Variants in ATP8A2 observed in about 807,000 individuals in gnomAD.
The protein encoded by ATP8A2 is phospholipid-transporting ATPase IB.
A neutral mutation model predicts 165.6 loss-of-function variants in ATP8A2; 100 were observed. The observed-to-expected ratio is 0.60, with a 90% CI of 0.51 to 0.71. ATP8A2 has a LOEUF of 0.71. ATP8A2 is among the 30% of genes least tolerant of loss of function. The pLI is 0.00. For synonymous variants in ATP8A2, 543 were observed against 548.8 expected (o/e 0.99, Z 0.15); for missense variants, 1,227 against 1,479.5 (o/e 0.83, Z 2.80).
intron 33 of ATP8A2, among the ~76,000 whole-genome samples, chr13:25,905,561 C>T (rs142418804): frequency 1.5e-3 from 233 of 152,298 alleles, no homozygotes; most frequent in African/African-American, 5.3e-3. Context: ...TCGCCAACAG[C>T]GGTTGGTGCG....
At chr13:25,581,753 C>T (rs1347208979) in intron 22 of ATP8A2, 66 bp from the exon 23 acceptor site, 1 of 1,456,446 alleles carries the variant, frequency 6.9e-7, no homozygotes, top group Non-Finnish European at 9.6e-7. Flanking sequence ...CTTTCTTTGT[C>T]AGAATTTGTT....
At chr13:25,975,466 C>G (rs569174572) in intron 35 of ATP8A2, among the ~76,000 whole-genome samples, 141 of 151,972 alleles carry the variant, frequency 9.3e-4, no homozygotes, top group African/African-American at 3.0e-3. Context: ...CCTGTAGTCC[C>G]AGCTACTCAG....
chr13:25,716,159 G>A (rs937004453), intron 25 of ATP8A2, among the ~76,000 whole-genome samples: 4 of 152,100 alleles, frequency 2.6e-5, no homozygotes, highest in Admixed American at 6.5e-5. Flanking sequence ...TCCTTTGCCC[G>A]TTTTTAAATT....
chr13:25,418,676 C>T (rs572811269), intron 1 of ATP8A2, among the ~76,000 whole-genome samples: 2 of 152,308 alleles, frequency 1.3e-5, no homozygotes, highest in Admixed American at 1.3e-4. Context: ...TGCCACCTGA[C>T]AGCATTTGCA....
At chr13:25,703,189 C>T (rs3121592) in intron 25 of ATP8A2, among the ~76,000 whole-genome samples, 1,797 of 152,272 alleles carry the variant, frequency 0.012, 34 homozygotes, top group African/African-American at 0.041. Context: ...AAGCAATTCT[C>T]CTGCCTCGGC....
At chr13:25,673,278 T>C (rs1337914978) in intron 24 of ATP8A2, among the ~76,000 whole-genome samples, 1 of 152,204 alleles carries the variant, frequency 6.6e-6, no homozygotes, top group East Asian at 1.9e-4. Flanking sequence ...GATGATCTTC[T>C]ATAAATGTAT....
At chr13:25,532,405 T>A (rs767196237) in intron 5 of ATP8A2, 88 bp downstream of exon 5, 7 of 842,734 alleles carry the variant, frequency 8.3e-6, no homozygotes, top group Non-Finnish European at 1.3e-5. Flanking sequence ...TAGTGAATGG[T>A]ATTGAGATAA....
intron 24 of ATP8A2, among the ~76,000 whole-genome samples, chr13:25,610,220 T>C (rs145733801): frequency 6.6e-6 from 1 of 152,326 alleles, no homozygotes; most frequent in Non-Finnish European, 1.5e-5. Flanking sequence ...TTTTCCAATG[T>C]TATCTTCTGG....
At chr13:25,502,240 T>A (rs2036876682) in intron 2 of ATP8A2, among the ~76,000 whole-genome samples, 1 of 151,882 alleles carries the variant, frequency 6.6e-6, no homozygotes, top group Non-Finnish European at 1.5e-5. Context: ...AATTAGGAGG[T>A]GTGATGTGGT....
intron 16 of ATP8A2, among the ~76,000 whole-genome samples, chr13:25,569,554 G>A (rs1468212208): frequency 1.3e-5 from 2 of 152,138 alleles, no homozygotes; most frequent in African/African-American, 4.8e-5. Flanking sequence ...CCAGGACAAG[G>A]AAGCTTGCTT....
intron 24 of ATP8A2, among the ~76,000 whole-genome samples, chr13:25,596,752 A>C (rs1412338101): frequency 6.6e-6 from 1 of 152,166 alleles, no homozygotes; most frequent in Non-Finnish European, 1.5e-5. Flanking sequence ...GTTTTGGTGA[A>C]CATCTGTTTT....
intron 2 of ATP8A2, among the ~76,000 whole-genome samples, chr13:25,512,593 G>C (rs1425424292): frequency 6.7e-6 from 1 of 149,046 alleles, no homozygotes; most frequent in African/African-American, 2.5e-5. Context: ...GCTGGGCAGA[G>C]GCGCCCCTCA....
intron 1 of ATP8A2, among the ~76,000 whole-genome samples, chr13:25,411,416 T>C (rs2033961402): frequency 6.6e-6 from 1 of 152,244 alleles, no homozygotes; most frequent in Non-Finnish European, 1.5e-5. Context: ...ACATGAGTTT[T>C]CACAAATCAC....
At position 25,585,564 on chromosome 13, in the gene ATP8A2, A is replaced by G. The variant is rs1443541298; in HGVS notation, c.2146+3607A>G. The stretch of plus-strand genomic sequence containing the variant: ...CCCATCATTTGATACTTTTAAAACC[A>G]TTTCTTATGGTCTTAGAGGTTTATT... On this transcript the variant is annotated intron_variant, in intron 23 of 36. Transcript: ENST00000381655. Among the ~76,000 whole-genome samples, 6 of 152,156 alleles carry G rather than the reference A, an allele frequency of 3.9e-5. 1 individual carries two copies. The highest frequency in any genetic ancestry group is 1.4e-4 in the African/African-American group (6 of 41,526).
intron 33 of ATP8A2, among the ~76,000 whole-genome samples, chr13:25,921,897 G>T (rs996746108): frequency 1.3e-5 from 2 of 152,120 alleles, no homozygotes; most frequent in African/African-American, 4.8e-5. Context: ...AACGTATTGA[G>T]GTAGTGAATC....
intron 25 of ATP8A2, among the ~76,000 whole-genome samples, chr13:25,742,933 T>A (rs1261875959): frequency 6.6e-6 from 1 of 151,906 alleles, no homozygotes; most frequent in Non-Finnish European, 1.5e-5. Context: ...AGCTTCCAAT[T>A]TGGAAGGGAG....
intron 33 of ATP8A2, among the ~76,000 whole-genome samples, chr13:25,901,944 A>G (rs1380217096): frequency 6.6e-6 from 1 of 152,260 alleles, no homozygotes; most frequent in Non-Finnish European, 1.5e-5. Context: ...CAGCGTATCA[A>G]TATTAGCTGA....
rs561330052 is a variant in ATP8A2, at chr13:25,512,195, G to A, written c.222-17804G>A. Among the ~76,000 whole-genome samples, 66 of 150,844 alleles carry A rather than the reference G, an allele frequency of 4.4e-4. 1 individual carries two copies. The East Asian group carries it at 0.012, about 27-fold the overall frequency. ...CAGCACATGTTTCAGAGAGCACAGG[G>A]TTGGGGGTAAGGTCACAGAACAACA... On this transcript the variant is annotated intron_variant, in intron 2 of 36. Transcript: ENST00000381655.
intron 16 of ATP8A2, among the ~76,000 whole-genome samples, chr13:25,566,807 G>A (rs1035923878): frequency 6.6e-6 from 1 of 152,166 alleles, no homozygotes; most frequent in African/African-American, 2.4e-5. Context: ...GGGAAGAGAC[G>A]AATAAAAAAC....
Sources: gnomAD v4.1 joint callset for allele counts (sites outside exome capture counted in the v4.1 genomes callset) on GRCh38, gnomAD v4.1.1 for gene constraint, MANE v1.5 for transcripts, NCBI Gene and HGNC (gene_info 2026-07-23, HGNC 2026-07-21) for gene names.